The following NOVA2 variants were observed in gnomAD, a reference collection of about 807,000 sequenced individuals.
The protein encoded by NOVA2 is NOVA alternative splicing regulator 2.
NOVA2 carries 9 observed loss-of-function variants against 22.5 expected under a neutral mutation model. The observed-to-expected ratio is 0.40, with a 90% CI of 0.24 to 0.70. NOVA2 has a LOEUF of 0.70. Ranked by LOEUF, NOVA2 falls within the 30% of genes least tolerant of loss-of-function variation. The pLI is 0.38. For synonymous variants in NOVA2, 318 were observed against 335.2 expected (o/e 0.95, Z 0.56); for missense variants, 383 against 682.8 (o/e 0.56, Z 4.89).
At chr19:45,944,294 T>C (rs1967805287) in intron 3 of NOVA2, among the ~76,000 whole-genome samples, 1 of 151,810 alleles carries the variant, frequency 6.6e-6, no homozygotes, top group South Asian at 2.1e-4. Flanking sequence ...ATACAAAAAA[T>C]AGCCAGGTGT....
At chr19:45,941,984 G>T (rs996562721) in intron 3 of NOVA2, among the ~76,000 whole-genome samples, 1 of 152,120 alleles carries the variant, frequency 6.6e-6, no homozygotes, top group Admixed American at 6.6e-5. Context: ...TTCCAGCCCT[G>T]GAAAAGCCTT....
intron 1 of NOVA2, among the ~76,000 whole-genome samples, chr19:45,971,118 T>TAA (rs34621755): frequency 0.79 from 119,898 of 151,866 alleles, 47,550 homozygotes; most frequent in East Asian, 0.87. Context: ...TCCTCATCTG[T>TAA]AAAGATGCTC....
At position 45,934,272 on chromosome 19, in the gene NOVA2, C is replaced by T. The variant is rs1441827788; in HGVS notation, c.*5591G>A. On this transcript the variant is annotated 3_prime_UTR_variant, in exon 4 of 4. Transcript: ENST00000263257. The stretch of plus-strand genomic sequence containing the variant: ...GGTTCTCCAAAGATGGCCCTGCAGC[C>T]TCCCCTGTCCCCCATTCTTCTGCTA... The T allele has an allele frequency of 6.6e-6, 1 of 152,396 alleles. No individual in the cohort carries two copies. The highest frequency in any genetic ancestry group is 1.5e-5 in the Non-Finnish European group (1 of 68,184). 9.4% of individuals were successfully genotyped at this position (152,396 alleles called of 1,614,324 possible).
At position 45,958,508 on chromosome 19, in the gene NOVA2, A is replaced by G. The variant is rs76512488; in HGVS notation, c.229+2502T>C. Among the ~76,000 whole-genome samples the G allele has an allele frequency of 6.5e-3, 952 of 146,120 alleles. 13 individuals carry two copies. Among genetic ancestry groups the G allele is most frequent in the African/African-American group, 0.023 (865 of 38,398 alleles). On this transcript the variant is annotated intron_variant, in intron 2 of 3. Coordinates refer to ENST00000263257, the MANE Select transcript of NOVA2 (RefSeq NM_002516.4). The stretch of plus-strand genomic sequence containing the variant: ...GTGTGAATGAGTGTGAGTGTGTGTA[A>G]GCATGTGTGACAATGTGTGACAGTG...
intron 3 of NOVA2, among the ~76,000 whole-genome samples, chr19:45,949,321 CAAAAA>C (rs11320511): frequency 1.6e-5 from 2 of 126,688 alleles, no homozygotes; most frequent in Admixed American, 7.9e-5. Context: ...GCTGTTATTT[CAAAAA>C]AAAAAAAAAA....
At chr19:45,966,738 G>A (rs1021731179) in intron 1 of NOVA2, among the ~76,000 whole-genome samples, 30 of 152,274 alleles carry the variant, frequency 2.0e-4, no homozygotes, top group African/African-American at 7.0e-4. Flanking sequence ...TTAGCCAGAC[G>A]TGGAGGCACA....
intron 1 of NOVA2, among the ~76,000 whole-genome samples, chr19:45,963,025 G>A (rs1968118426): frequency 6.6e-6 from 1 of 152,042 alleles, no homozygotes; most frequent in Non-Finnish European, 1.5e-5. Context: ...AGCCTCCCCT[G>A]CCCGTTGCCC....
intron 3 of NOVA2, among the ~76,000 whole-genome samples, chr19:45,942,307 C>T (rs892744559): frequency 6.6e-6 from 1 of 152,062 alleles, no homozygotes; most frequent in African/African-American, 2.4e-5. Flanking sequence ...TGACTGGTGT[C>T]CTTATAAGCA....
At chr19:45,958,101 A>G in intron 2 of NOVA2, among the ~76,000 whole-genome samples, 1 of 125,150 alleles carries the variant, frequency 8.0e-6, no homozygotes, top group East Asian at 2.2e-4. Flanking sequence ...ACAGAGCAAG[A>G]CTCCGTCTCA....
intron 1 of NOVA2, among the ~76,000 whole-genome samples, chr19:45,964,757 T>C (rs987248096): frequency 3.9e-5 from 6 of 152,146 alleles, no homozygotes; most frequent in African/African-American, 1.4e-4. Flanking sequence ...GATGGAGTTT[T>C]GCCATGTTGC....
intron 3 of NOVA2, among the ~76,000 whole-genome samples, chr19:45,945,759 A>G (rs1204057708): frequency 2.0e-5 from 3 of 152,056 alleles, no homozygotes; most frequent in African/African-American, 7.2e-5. Flanking sequence ...TATTTGTAGG[A>G]GAAAGGGGGT....
chr19:45,963,247 C>T (rs1225068992), intron 1 of NOVA2, among the ~76,000 whole-genome samples: 1 of 151,820 alleles, frequency 6.6e-6, no homozygotes, highest in Non-Finnish European at 1.5e-5. Context: ...GGTGTGGTGG[C>T]GCGTGCCTGT....
chr19:45,945,158 T>G (rs1261228303), intron 3 of NOVA2, among the ~76,000 whole-genome samples: 1 of 151,676 alleles, frequency 6.6e-6, no homozygotes, highest in Non-Finnish European at 1.5e-5. Flanking sequence ...TAAAAATAAA[T>G]TAGCTGGATG....
At position 45,973,789 on chromosome 19, in the gene NOVA2, G is replaced by T; in HGVS notation, c.-438C>A. On this transcript the variant is annotated 5_prime_UTR_variant, in exon 1 of 4. Transcript: ENST00000263257. ...GTGGGGTCTCTCCTGGGACCACAGA[G>T]GCTGGGGACTGGACGCGCCACTGGG... 6.6e-6 allele frequency among the ~76,000 whole-genome samples: 1 copy of T among 151,586 alleles called. No homozygotes were observed. The highest frequency in any genetic ancestry group is 1.5e-5 in the Non-Finnish European group (1 of 67,800).
In NOVA2 at chr19:45,940,166, C is replaced by G; in HGVS notation, c.1176G>C (p.Gly392=). The change falls in exon 4 of 4, where the codon GGG becomes GGC. Residue 392 remains glycine (G), a synonymous_variant. Coordinates refer to ENST00000263257, the MANE Select transcript of NOVA2 (RefSeq NM_002516.4). ...VAAAAAAGAA[G]GFLTAEKLAA... is the part of the protein sequence containing the mutation. ...CCAGCTTCTCCGCCGTCAGGAAGCCCCCGGCCGCCCCGGCCGCGGCTGCAG... is the reference window on the plus strand; with the variant it reads ...CCAGCTTCTCCGCCGTCAGGAAGCCGCCGGCCGCCCCGGCCGCGGCTGCAG... 2 of 1,594,264 alleles carry G rather than the reference C, an allele frequency of 1.3e-6. No individual in the cohort carries two copies. Among genetic ancestry groups the G allele is most frequent in the South Asian group, 2.2e-5 (2 of 90,356 alleles).
intron 3 of NOVA2, among the ~76,000 whole-genome samples, chr19:45,942,168 G>C (rs1967770535): frequency 6.6e-6 from 1 of 152,168 alleles, no homozygotes; most frequent in South Asian, 2.1e-4. Flanking sequence ...GGCTGACACT[G>C]TGTCCCCTTC....
At chr19:45,971,503 C>T (rs1012983518) in intron 1 of NOVA2, among the ~76,000 whole-genome samples, 1 of 152,122 alleles carries the variant, frequency 6.6e-6, no homozygotes, top group East Asian at 1.9e-4. Flanking sequence ...CCCAACTTCC[C>T]TTTCCTCCAA....
Position 45,939,944 on chromosome 19 carries a change from C to G in NOVA2, c.1398G>C (p.Thr466=). 1 of 1,614,018 alleles carries G rather than the reference C, an allele frequency of 6.2e-7. No individual in the cohort carries two copies. Among genetic ancestry groups the G allele is most frequent in the Admixed American group, 1.7e-5 (1 of 60,024 alleles). ...RVTITGSPAA[T]QAAQYLISQR... Reference sequence around the variant, plus strand: ...GACTGATGAGGTATTGAGCGGCTTGCGTGGCCGCGGGGCTGCCCGTGATGG... The same window carrying G: ...GACTGATGAGGTATTGAGCGGCTTGGGTGGCCGCGGGGCTGCCCGTGATGG... The change falls in exon 4 of 4, where the codon ACG becomes ACC. Residue 466 remains threonine, a synonymous_variant. Coordinates refer to ENST00000263257, the MANE Select transcript of NOVA2 (RefSeq NM_002516.4).
Position 45,937,746 on chromosome 19 carries a change from C to T in NOVA2, c.*2117G>A, listed in dbSNP as rs1294457225. On this transcript the variant is annotated 3_prime_UTR_variant, in exon 4 of 4. Transcript: ENST00000263257. ...GACAAGGGCATGGAAAAAGTCACCC[C>T]AGTGCCCAAGTTACAGCCTCCCATC... The T allele has an allele frequency of 1.3e-5, 2 of 152,222 alleles. No individual in the cohort carries two copies. 9.4% of individuals were successfully genotyped at this position (152,222 alleles called of 1,614,324 possible). A position where few individuals can be genotyped will look rare whatever the true frequency, so the allele number is the denominator to read the frequency against.
Sources: gnomAD v4.1 joint callset for allele counts (sites outside exome capture counted in the v4.1 genomes callset) on GRCh38, gnomAD v4.1.1 for gene constraint, MANE v1.5 for transcripts, NCBI Gene and HGNC (gene_info 2026-07-23, HGNC 2026-07-21) for gene names.